The following LNX1 variants were observed in gnomAD, a reference collection of about 807,000 sequenced individuals.
The protein encoded by LNX1 is E3 ubiquitin-protein ligase LNX.
LNX1 carries 54 observed loss-of-function variants against 68.4 expected under a neutral mutation model. That is an observed-to-expected ratio of 0.79 (90% CI 0.63 to 0.99). The LOEUF is 0.99. Among genes scored for constraint, LNX1 ranks in the 50% least tolerant of loss-of-function variants. LNX1 has a pLI of 0.00. For synonymous variants in LNX1, 336 were observed against 350.0 expected (o/e 0.96, Z 0.45); for missense variants, 906 against 926.4 (o/e 0.98, Z 0.29).
rs76341726 is a variant in LNX1 at position 53,628,257 on chromosome 4, A to G, written c.-215+23911T>C. ...ATGCAAACTATGCATCCAACAAAGT[A>G]TTAGTATTCAGAATCTACAAGGAAC... On this transcript the variant is annotated intron_variant, in intron 1 of 2. Coordinates refer to the LNX1 transcript ENST00000507168. Among the ~76,000 whole-genome samples, 1,064 of 152,302 alleles carry G rather than the reference A, an allele frequency of 7.0e-3. 13 individuals are homozygous for G. The highest frequency in any genetic ancestry group is 0.024 in the African/African-American group (1,002 of 41,568).
At chr4:53,498,539 T>C (rs1186781885) in intron 5 of LNX1, 102 bp downstream of exon 5, 2 of 796,674 alleles carry the variant, frequency 2.5e-6, no homozygotes. Context: ...CACATTTATT[T>C]TACCATTTCC....
intron 6 of LNX1, among the ~76,000 whole-genome samples, chr4:53,486,560 G>A (rs1410575246): frequency 6.6e-6 from 1 of 152,148 alleles, no homozygotes; most frequent in Non-Finnish European, 1.5e-5. Context: ...CTGCCCTCCC[G>A]GAATGTTTCC....
At chr4:53,474,059 G>A (rs558332415) in intron 9 of LNX1, among the ~76,000 whole-genome samples, 6 of 152,298 alleles carry the variant, frequency 3.9e-5, no homozygotes, top group African/African-American at 1.4e-4. Flanking sequence ...CAATGCCTAT[G>A]TAGTCCTATA....
chr4:53,502,647 G>A (rs1406694329), intron 4 of LNX1, among the ~76,000 whole-genome samples: 3 of 152,110 alleles, frequency 2.0e-5, no homozygotes, highest in African/African-American at 4.8e-5. Context: ...ACTGACTCTC[G>A]TGAAAGATTT....
At chr4:53,633,397 T>C (rs1734349870) in intron 1 of LNX1, among the ~76,000 whole-genome samples, 2 of 152,330 alleles carry the variant, frequency 1.3e-5, no homozygotes, top group African/African-American at 4.8e-5. Context: ...CTCATATTAT[T>C]GCTTCTTCCC....
At chr4:53,616,029 C>A (rs1226205843) in intron 2 of LNX1, among the ~76,000 whole-genome samples, 3 of 152,032 alleles carry the variant, frequency 2.0e-5, no homozygotes, top group Non-Finnish European at 2.9e-5. Context: ...TATTCATTTG[C>A]CCTCCCTGCT....
At chr4:53,469,556 G>T (rs1194955475) in intron 9 of LNX1, among the ~76,000 whole-genome samples, 1 of 152,142 alleles carries the variant, frequency 6.6e-6, no homozygotes, top group Non-Finnish European at 1.5e-5. Flanking sequence ...CCAGGAGCTG[G>T]TTTTTTGAAA....
intron 2 of LNX1, among the ~76,000 whole-genome samples, chr4:53,615,360 G>A (rs1733646824): frequency 6.6e-6 from 1 of 152,144 alleles, no homozygotes; most frequent in African/African-American, 2.4e-5. Context: ...GCTGGCTTTG[G>A]GGCACTGTGG....
intron 6 of LNX1, among the ~76,000 whole-genome samples, chr4:53,491,118 T>C (rs1464863409): frequency 3.3e-5 from 5 of 152,202 alleles, no homozygotes; most frequent in African/African-American, 1.2e-4. Flanking sequence ...CCAAATGACA[T>C]GATGAGTAAG....
At chr4:53,498,227 T>C (rs2292580) in intron 5 of LNX1, among the ~76,000 whole-genome samples, 18,857 of 152,212 alleles carry the variant, frequency 0.12, 1,245 homozygotes, top group Non-Finnish European at 0.15. Flanking sequence ...CAAAATGTTC[T>C]ATTAATCTAC....
At chr4:53,591,196 A>T (rs1342120869) in intron 1 of LNX1, among the ~76,000 whole-genome samples, 192 bp downstream of exon 1, 1 of 152,184 alleles carries the variant, frequency 6.6e-6, no homozygotes, top group Non-Finnish European at 1.5e-5. Context: ...CTGGCCTGGG[A>T]GAAGTTTATT....
At chr4:53,599,730 C>T (rs1732911009) in intron 2 of LNX1, among the ~76,000 whole-genome samples, 1 of 152,200 alleles carries the variant, frequency 6.6e-6, no homozygotes, top group South Asian at 2.1e-4. Context: ...AAGGGCCAGG[C>T]AGAGGAGGCT....
At position 53,461,393 on chromosome 4, in the gene LNX1, C is replaced by T. The variant is rs1439220161; in HGVS notation, c.2051+42G>A. 14 of 1,488,892 alleles carry T rather than the reference C, an allele frequency of 9.4e-6. No individual in the cohort carries two copies. The Admixed American group carries it at 2.4e-4, about 25-fold the overall frequency. The allele number at this position is 1,488,892 out of a possible 1,614,324, so 92.2% of individuals were successfully genotyped here. On this transcript the variant is annotated intron_variant, in intron 10 of 10. Transcript: ENST00000263925. ...GGGCCAAGCTTTGGCATTTATGAAA[C>T]AACATTTAATACAAGTATTTTTGAT...
chr4:53,472,917 A>G (rs1445715467), intron 9 of LNX1, among the ~76,000 whole-genome samples: 1 of 152,126 alleles, frequency 6.6e-6, no homozygotes, highest in Admixed American at 6.5e-5. Flanking sequence ...TACCAGTAAG[A>G]AGAGAATAAC....
chr4:53,534,726 T>C (rs750553836), intron 2 of LNX1, among the ~76,000 whole-genome samples: 1 of 152,180 alleles, frequency 6.6e-6, no homozygotes, highest in Non-Finnish European at 1.5e-5. Context: ...GATGTAAATA[T>C]TTTCACAAGA....
chr4:53,475,223 A>G (rs1184894425), intron 9 of LNX1, among the ~76,000 whole-genome samples: 1 of 152,234 alleles, frequency 6.6e-6, no homozygotes, highest in Non-Finnish European at 1.5e-5. Flanking sequence ...CTTTGATTAC[A>G]TGACAGAATA....
intron 1 of LNX1, chr4:53,579,201 G>A: frequency 1.1e-6 from 1 of 899,218 alleles, no homozygotes; most frequent in Non-Finnish European, 1.3e-6. Flanking sequence ...ACAGTGTTTT[G>A]GCAGTTTAGA....
At chr4:53,488,289 T>A (rs540836944) in intron 6 of LNX1, among the ~76,000 whole-genome samples, 2 of 152,360 alleles carry the variant, frequency 1.3e-5, no homozygotes, top group East Asian at 3.9e-4. Context: ...GCCTGCCTAT[T>A]GGTCTAGTTA....
In LNX1 at chr4:53,460,160, G is replaced by A. The variant is rs1721605941; in HGVS notation, c.*747C>T. 5.0e-6 allele frequency: 1 copy of A among 198,826 alleles called. No homozygotes were observed. The highest frequency in any genetic ancestry group is 6.0e-5 in the Admixed American group (1 of 16,584). The allele number at this position is 198,826 out of a possible 1,614,324, so 12.3% of individuals were successfully genotyped here. A position where few individuals can be genotyped will look rare whatever the true frequency, so the allele number is the denominator to read the frequency against. Reference sequence around the variant, plus strand: ...CTCATGACCATGTCTGTGAGCCAGGGTCAAGCTGGTTTGGCCTTCTTGATG... The same window carrying A: ...CTCATGACCATGTCTGTGAGCCAGGATCAAGCTGGTTTGGCCTTCTTGATG... On this transcript the variant is annotated 3_prime_UTR_variant, in exon 11 of 11. Transcript: ENST00000263925.
Sources: gnomAD v4.1 joint callset for allele counts (sites outside exome capture counted in the v4.1 genomes callset) on GRCh38, gnomAD v4.1.1 for gene constraint, MANE v1.5 for transcripts, NCBI Gene and HGNC (gene_info 2026-07-23, HGNC 2026-07-21) for gene names.